The following SLC41A2 variants were observed in gnomAD, a reference collection of about 807,000 sequenced individuals.
SLC41A2 encodes the protein solute carrier family 41 member 2.
Under a neutral mutation model 58.3 loss-of-function variants are expected in SLC41A2, and 32 were observed. The observed-to-expected ratio is 0.55, with a 90% CI of 0.41 to 0.74. The LOEUF is 0.74. Ranked by LOEUF, SLC41A2 falls within the 30% of genes least tolerant of loss-of-function variation. The pLI is 0.00. For missense variants in SLC41A2, 514 were observed against 680.6 expected, an observed-to-expected ratio of 0.76 and a Z score of 2.72; for synonymous variants, 190 against 235.0, an observed-to-expected ratio of 0.81 and a Z score of 1.75.
chr12:104,805,925 A>G (rs1033140018), intron 10 of SLC41A2, among the ~76,000 whole-genome samples: 1 of 152,192 alleles, frequency 6.6e-6, no homozygotes, highest in African/African-American at 2.4e-5. Context: ...TTATTCAAAC[A>G]TGAAGATGCT....
chr12:104,887,610 A>G lies in SLC41A2; in HGVS notation c.881-1171T>C, dbSNP rs574541084. ...ATTATGCAATAATCAGGCAAGATGT[A>G]ATCGCTTAGAATCTTTTTCCAAAAT... On this transcript the variant is annotated intron_variant, in intron 5 of 10. Transcript: ENST00000258538. Among the ~76,000 whole-genome samples, 4 of 152,134 alleles carry G rather than the reference A, an allele frequency of 2.6e-5. No individual in the cohort carries two copies. The East Asian group carries it at 7.7e-4, about 29-fold the overall frequency.
At chr12:104,891,064 C>T (rs1218252293) in intron 4 of SLC41A2, among the ~76,000 whole-genome samples, 1 of 152,092 alleles carries the variant, frequency 6.6e-6, no homozygotes, top group Admixed American at 6.6e-5. Flanking sequence ...AAGAAAAAAC[C>T]CTCTCCCCCA....
intron 1 of SLC41A2, among the ~76,000 whole-genome samples, chr12:104,955,673 T>C (rs1051391813): frequency 3.3e-5 from 5 of 152,150 alleles, no homozygotes; most frequent in Non-Finnish European, 7.3e-5. Flanking sequence ...CATCGAATAA[T>C]CTTTTTCTTT....
intron 10 of SLC41A2, among the ~76,000 whole-genome samples, chr12:104,819,076 T>C (rs1430957893): frequency 6.6e-6 from 1 of 152,112 alleles, no homozygotes; most frequent in Non-Finnish European, 1.5e-5. Flanking sequence ...TTAGAAAATA[T>C]ACTTTTTTTT....
intron 10 of SLC41A2, among the ~76,000 whole-genome samples, chr12:104,826,438 C>A (rs1345041454): frequency 6.6e-6 from 1 of 152,178 alleles, no homozygotes; most frequent in Non-Finnish European, 1.5e-5. Flanking sequence ...GACCTAGCCC[C>A]TGTGTTTGCT....
intron 1 of SLC41A2, among the ~76,000 whole-genome samples, chr12:104,934,893 G>A (rs984417900): frequency 1.3e-5 from 2 of 152,158 alleles, no homozygotes; most frequent in African/African-American, 4.8e-5. Context: ...ATGGGGAAAG[G>A]AAAGTTGTTG....
Position 104,804,916 on chromosome 12 carries a change from T to C in SLC41A2, c.*236A>G, listed in dbSNP as rs2040837760. 3.2e-6 allele frequency: 1 copy of C among 309,726 alleles called. No homozygotes were observed. Among genetic ancestry groups the C allele is most frequent in the African/African-American group, 2.1e-5 (1 of 46,602 alleles). 19.2% of individuals were successfully genotyped at this position (309,726 alleles called of 1,614,324 possible). A position where few individuals can be genotyped will look rare whatever the true frequency, so the allele number is the denominator to read the frequency against. ...TAATTAATTTCAGAGCTGGAACTTA[T>C]ATCTATGTCTATGTCAAATTATCAT... is the stretch of plus-strand genomic sequence containing the variant. On this transcript the variant is annotated 3_prime_UTR_variant, in exon 11 of 11. Coordinates refer to ENST00000258538, the MANE Select transcript of SLC41A2 (RefSeq NM_001352171.3).
intron 10 of SLC41A2, among the ~76,000 whole-genome samples, chr12:104,830,305 T>A (rs1271214682): frequency 1.3e-5 from 2 of 152,216 alleles, no homozygotes; most frequent in African/African-American, 2.4e-5. Context: ...GTCCCTTATA[T>A]AAAATGGCAC....
At chr12:104,805,433 C>T (rs1266372434) in intron 10 of SLC41A2, 96 bp from the exon 11 acceptor site, 5 of 910,296 alleles carry the variant, frequency 5.5e-6, no homozygotes, top group Admixed American at 5.3e-5. Context: ...TGGAAGGGAC[C>T]GTATGTGTCT....
chr12:104,854,246 G>A (rs2042934291), intron 8 of SLC41A2, among the ~76,000 whole-genome samples: 1 of 152,024 alleles, frequency 6.6e-6, no homozygotes, highest in African/African-American at 2.4e-5. Context: ...TCCTTCAAAA[G>A]GTGATGATGA....
intron 10 of SLC41A2, among the ~76,000 whole-genome samples, chr12:104,816,683 A>T (rs1465440576): frequency 6.6e-6 from 1 of 152,252 alleles, no homozygotes; most frequent in African/African-American, 2.4e-5. Flanking sequence ...AAAGAAACTT[A>T]TCTGACTGTG....
intron 8 of SLC41A2, among the ~76,000 whole-genome samples, chr12:104,851,289 CTG>C (rs2042789088): frequency 6.6e-6 from 1 of 152,058 alleles, no homozygotes; most frequent in Admixed American, 6.6e-5. Flanking sequence ...TGTCCAGAAA[CTG>C]TATAGATTTT....
chr12:104,918,604 T>G (rs1374530319), intron 2 of SLC41A2, among the ~76,000 whole-genome samples: 2 of 141,894 alleles, frequency 1.4e-5, no homozygotes, highest in African/African-American at 2.7e-5. Flanking sequence ...TACATTCATT[T>G]CATGTCTGTT....
intron 10 of SLC41A2, among the ~76,000 whole-genome samples, chr12:104,841,396 G>T (rs1023016276): frequency 6.6e-6 from 1 of 151,820 alleles, no homozygotes; most frequent in Non-Finnish European, 1.5e-5. Context: ...TTCCACTGAA[G>T]GAGATGGAGC....
At chr12:104,884,424 G>C (rs541401156) in intron 6 of SLC41A2, among the ~76,000 whole-genome samples, 1 of 152,050 alleles carries the variant, frequency 6.6e-6, no homozygotes, top group African/African-American at 2.4e-5. Context: ...CTTCTGCGTC[G>C]CTCACTGAGA....
At chr12:104,866,378 A>ATG in intron 7 of SLC41A2, 54 bp downstream of exon 7, 2 of 1,422,720 alleles carry the variant, frequency 1.4e-6, no homozygotes, top group Admixed American at 4.8e-5. Flanking sequence ...AGACAGACAG[A>ATG]CGTACACACA....
rs1491116311 is a variant in SLC41A2 at position 104,947,194 on chromosome 12, C to CTTTTTTTTTT, written c.-168+10893_-168+10894insAAAAAAAAAA. Among the ~76,000 whole-genome samples, 10 of 53,668 alleles carry CTTTTTTTTTT rather than the reference C, an allele frequency of 1.9e-4. 4 individuals carry two copies. Among genetic ancestry groups the CTTTTTTTTTT allele is most frequent in the Non-Finnish European group, 1.4e-4 (4 of 28,164 alleles). The allele number at this position is 53,668 out of a possible 152,430, so 35.2% of individuals were successfully genotyped here. On this transcript the variant is annotated intron_variant, in intron 1 of 10. Transcript: ENST00000258538. ...CTGAATTTCTGGCTTTTATTTTTGT[C>CTTTTTTTTTT]CTTTTTTTTTTTTTTTTTTTTTTTT...
intron 10 of SLC41A2, among the ~76,000 whole-genome samples, chr12:104,814,225 G>A (rs979585283): frequency 6.6e-6 from 1 of 152,004 alleles, no homozygotes; most frequent in African/African-American, 2.4e-5. Flanking sequence ...GCAACAAAGT[G>A]GGACCCTGTC....
chr12:104,934,461 T>G (rs1415934408), intron 1 of SLC41A2, among the ~76,000 whole-genome samples: 1 of 151,968 alleles, frequency 6.6e-6, no homozygotes, highest in Non-Finnish European at 1.5e-5. Context: ...ATCCACTACT[T>G]AATTCCTTAA....
Sources: gnomAD v4.1 joint callset for allele counts (sites outside exome capture counted in the v4.1 genomes callset) on GRCh38, gnomAD v4.1.1 for gene constraint, MANE v1.5 for transcripts, NCBI Gene and HGNC (gene_info 2026-07-23, HGNC 2026-07-21) for gene names.